USH2A: variants seen among roughly 807,000 people sequenced by gnomAD.
The protein encoded by USH2A is usherin.
Under a neutral mutation model 538.9 loss-of-function variants are expected in USH2A, and 443 were observed. That is an observed-to-expected ratio of 0.82 (90% CI 0.76 to 0.89). The LOEUF is 0.89. Ranked by LOEUF, USH2A falls within the 40% of genes least tolerant of loss-of-function variation. The pLI, the probability that USH2A is intolerant of heterozygous loss-of-function variation, is 0.00. For synonymous variants in USH2A, 2,413 were observed against 2,273.5 expected (o/e 1.06, Z -1.75); for missense variants, 6,633 against 6,324.8 (o/e 1.05, Z -1.65).
At chr1:216,256,708 T>C (rs1461986232) in intron 11 of USH2A, among the ~76,000 whole-genome samples, 1 of 152,034 alleles carries the variant, frequency 6.6e-6, no homozygotes, top group Non-Finnish European at 1.5e-5. Context: ...AGTAAATACA[T>C]TTTCTCTTTC....
chr1:216,226,073 G>C (rs1320527183), intron 14 of USH2A, among the ~76,000 whole-genome samples: 2 of 152,144 alleles, frequency 1.3e-5, no homozygotes, highest in Non-Finnish European at 2.9e-5. Flanking sequence ...GAAACCAAAG[G>C]AAGAGGTAAT....
chr1:216,168,393 T>C (rs956146495), intron 21 of USH2A, among the ~76,000 whole-genome samples: 2 of 152,156 alleles, frequency 1.3e-5, no homozygotes, highest in East Asian at 1.9e-4. Context: ...AAAATGACTT[T>C]GCAAAAATTA....
intron 3 of USH2A, among the ~76,000 whole-genome samples, chr1:216,388,773 C>T (rs1021758580): frequency 1.3e-5 from 2 of 152,228 alleles, no homozygotes; most frequent in African/African-American, 4.8e-5. Flanking sequence ...AACTTCTAAG[C>T]TGCTGACACT....
At chr1:215,768,924 T>C (rs888511182) in intron 55 of USH2A, among the ~76,000 whole-genome samples, 3 of 152,166 alleles carry the variant, frequency 2.0e-5, no homozygotes, top group African/African-American at 7.2e-5. Context: ...AGGCATTCAA[T>C]GTTGAACAAA....
At position 216,325,566 on chromosome 1, in the gene USH2A, GAGA is replaced by G; in HGVS notation, c.879_881del (p.Leu294del). On this transcript the variant is annotated inframe_deletion, in exon 6 of 72. Transcript: ENST00000307340. Reference sequence around the variant, plus strand: ...GGCAATGTGATTGGGCATGCAATCTGAGAAGATCTCCAGAGAAGACTTCCAGAA... The same window carrying G: ...GGCAATGTGATTGGGCATGCAATCTGAGATCTCCAGAGAAGACTTCCAGAA... 6.2e-7 allele frequency: 1 copy of G among 1,613,432 alleles called. No individual in the cohort carries two copies. The highest frequency in any genetic ancestry group is 8.5e-7 in the Non-Finnish European group (1 of 1,179,654).
chr1:215,878,490 T>C (rs1267812903), intron 42 of USH2A, among the ~76,000 whole-genome samples: 1 of 152,152 alleles, frequency 6.6e-6, no homozygotes, highest in Non-Finnish European at 1.5e-5. Flanking sequence ...AATAAAAGCA[T>C]ATGTTGAAAA....
intron 61 of USH2A, among the ~76,000 whole-genome samples, chr1:215,717,686 C>T (rs1009688232): frequency 2.6e-5 from 4 of 152,122 alleles, no homozygotes; most frequent in African/African-American, 7.2e-5. Flanking sequence ...TGGAAGAGCC[C>T]TGTATTTCTT....
intron 49 of USH2A, among the ~76,000 whole-genome samples, chr1:215,811,600 A>G (rs1180741196): frequency 9.0e-6 from 1 of 111,020 alleles, no homozygotes; most frequent in Non-Finnish European, 1.9e-5. Flanking sequence ...TGCCTACTGC[A>G]CTATCCTAAA....
rs139272708 is a variant in USH2A, at chr1:215,897,667, C to T, written c.7594+2408G>A. ...TGGTGCCACTGCACTCCAGCCTGGG[C>T]GATAGAGTGAAACGCTGTCTCAAAA... On this transcript the variant is annotated intron_variant, in intron 40 of 71. Transcript: ENST00000307340. 9.1e-3 allele frequency among the ~76,000 whole-genome samples: 1,353 copies of T among 147,898 alleles called. 15 individuals carry two copies. The highest frequency in any genetic ancestry group is 0.032 in the African/African-American group (1,278 of 39,934).
chr1:216,066,785 A>G (rs1558239614), intron 30 of USH2A, among the ~76,000 whole-genome samples: 1 of 152,170 alleles, frequency 6.6e-6, no homozygotes, highest in Non-Finnish European at 1.5e-5. Context: ...AATATTTTCA[A>G]TATTCTTCTG....
At chr1:215,686,850 C>G (rs190366642) in intron 61 of USH2A, among the ~76,000 whole-genome samples, 1 of 152,072 alleles carries the variant, frequency 6.6e-6, no homozygotes, top group African/African-American at 2.4e-5. Flanking sequence ...CTTTATGGAA[C>G]GTTCACTCTA....
chr1:215,998,746 G>A lies in USH2A; in HGVS notation c.6657+141C>T, dbSNP rs1668193630. ...CCAGAATTCACATTTAGGATGGGAA[G>A]AGAGTTTTCAGTATAAACAGCAATA... On this transcript the variant is annotated intron_variant, in intron 34 of 71. Coordinates refer to ENST00000307340, the MANE Select transcript of USH2A (RefSeq NM_206933.4). The A allele has an allele frequency of 9.3e-6, 8 of 860,800 alleles. No individual in the cohort carries two copies. The South Asian group carries it at 1.1e-4, about 12-fold the overall frequency. The allele number at this position is 860,800 out of a possible 1,614,324, so 53.3% of individuals were successfully genotyped here.
At chr1:216,411,383 G>T (rs964298857) in intron 3 of USH2A, among the ~76,000 whole-genome samples, 9 of 152,098 alleles carry the variant, frequency 5.9e-5, no homozygotes, top group African/African-American at 1.9e-4. Context: ...AACCCTATGT[G>T]CCTGTGACTC....
chr1:216,409,370 T>C (rs553788888), intron 3 of USH2A, among the ~76,000 whole-genome samples: 4 of 152,042 alleles, frequency 2.6e-5, no homozygotes, highest in African/African-American at 7.2e-5. Flanking sequence ...TTGGAATAAC[T>C]AGAAAAAAAC....
At chr1:216,270,187 A>T (rs1177073562) in intron 11 of USH2A, among the ~76,000 whole-genome samples, 1 of 152,070 alleles carries the variant, frequency 6.6e-6, no homozygotes, top group Admixed American at 6.6e-5. Flanking sequence ...GGTGGGAGAG[A>T]AGAACTAATG....
chr1:216,307,352 G>T (rs1487205176), intron 9 of USH2A, among the ~76,000 whole-genome samples: 2 of 152,092 alleles, frequency 1.3e-5, no homozygotes, highest in African/African-American at 4.8e-5. Flanking sequence ...GTAGGGGAAA[G>T]CTGGCAGTGA....
In USH2A at chr1:215,697,079, A is replaced by AG. The variant is rs1276308826; in HGVS notation, c.12067-16704dup. 1.2e-4 allele frequency among the ~76,000 whole-genome samples: 18 copies of AG among 151,952 alleles called. 1 individual carries two copies. Among genetic ancestry groups the AG allele is most frequent in the Non-Finnish European group, 1.5e-5 (1 of 67,990 alleles). On this transcript the variant is annotated intron_variant, in intron 61 of 71. Transcript: ENST00000307340. ...GCAATTCTCCCACCTCAGTCCCACA[A>AG]GTAGCTGGGACTACAGGCATGTGCC...
intron 48 of USH2A, among the ~76,000 whole-genome samples, chr1:215,814,852 A>G (rs1662813819): frequency 6.6e-6 from 1 of 152,154 alleles, no homozygotes; most frequent in Admixed American, 6.6e-5. Flanking sequence ...AGCCAAATCT[A>G]AACCTACTGA....
chr1:216,257,898 T>C (rs1185190756), intron 11 of USH2A, among the ~76,000 whole-genome samples: 1 of 152,096 alleles, frequency 6.6e-6, no homozygotes, highest in African/African-American at 2.4e-5. Context: ...TCTGGAATTT[T>C]GATCTGTGGG....
Sources: gnomAD v4.1 joint callset for allele counts (sites outside exome capture counted in the v4.1 genomes callset) on GRCh38, gnomAD v4.1.1 for gene constraint, MANE v1.5 for transcripts, NCBI Gene and HGNC (gene_info 2026-07-23, HGNC 2026-07-21) for gene names.